Variants in ZNF582 observed in about 807,000 individuals in gnomAD.
The protein encoded by ZNF582 is zinc finger protein 582.
Under a neutral mutation model 12.3 loss-of-function variants are expected in ZNF582, and 14 were observed. That is an observed-to-expected ratio of 1.14 (90% confidence interval 0.75 to 1.78). The LOEUF is 1.78. Among genes scored for constraint, ZNF582 ranks in the 40% most tolerant of loss-of-function variants. The pLI, the probability that ZNF582 is intolerant of heterozygous loss-of-function variation, is 0.00. For missense variants in ZNF582, 567 were observed against 616.5 expected, an observed-to-expected ratio of 0.92 and a Z score of 0.85; for synonymous variants, 210 against 207.2, an observed-to-expected ratio of 1.01 and a Z score of -0.11.
chr19:56,392,074 C>A (rs993899720), intron 1 of ZNF582, among the ~76,000 whole-genome samples: 2 of 152,196 alleles, frequency 1.3e-5, no homozygotes, highest in African/African-American at 4.8e-5. Flanking sequence ...GCTGCAAATG[C>A]AAGTCTAAGA....
chr19:56,390,366 T>A lies in ZNF582; in HGVS notation c.136+9A>T. 3.7e-6 allele frequency: 6 copies of A among 1,613,986 alleles called. No individual in the cohort carries two copies. The highest frequency in any genetic ancestry group is 5.1e-6 in the Non-Finnish European group (6 of 1,180,010). ...ATAACCTCCAAACTAACAGACGAGA[T>A]CACCTTACCCAGTGAGACCAGGTTG... is the stretch of plus-strand genomic sequence containing the variant. On this transcript the variant is annotated intron_variant, in intron 3 of 4. Coordinates refer to ENST00000586929, the Ensembl canonical transcript of ZNF582.
chr19:56,391,743 C>T lies in ZNF582; in HGVS notation c.9+1G>A. On this transcript the variant is annotated splice_donor_variant, in intron 2 of 4. Transcript: ENST00000586929. LOFTEE classifies it high-confidence loss of function. Reference sequence around the variant, plus strand: ...AATATTTATGGGATTTAAAAACTCACAAGGGACATGACTTTTAGAATTTCA... The same window carrying T: ...AATATTTATGGGATTTAAAAACTCATAAGGGACATGACTTTTAGAATTTCA... The T allele has an allele frequency of 6.2e-7, 1 of 1,613,330 alleles. No individual in the cohort carries two copies. Among genetic ancestry groups the T allele is most frequent in the East Asian group, 2.2e-5 (1 of 44,878 alleles).
At chr19:56,384,137 T>G (rs146036656) in exon 5 of ZNF582, 1 of 1,612,900 alleles carries the variant, frequency 6.2e-7, no homozygotes, top group African/African-American at 1.3e-5. Context: ...CTTCCCACAT[T>G]CCTTACATTC....
At chr19:56,393,458 T>C (rs372001953) in exon 1 of ZNF582, 65 of 523,058 alleles carry the variant, frequency 1.2e-4, no homozygotes, top group African/African-American at 1.1e-3. Flanking sequence ...CCTCCTCGGG[T>C]CCAAGTGCCA....
intron 4 of ZNF582, chr19:56,386,565 C>G (rs1434896894): frequency 6.6e-6 from 1 of 152,300 alleles, no homozygotes; most frequent in African/African-American, 2.4e-5. Flanking sequence ...CATGAAAAAG[C>G]TGAATGCTAT....
At chr19:56,390,605 C>A in intron 2 of ZNF582, 104 bp from the exon 3 acceptor site, 1 of 1,272,806 alleles carries the variant, frequency 7.9e-7, no homozygotes. Flanking sequence ...TTTTGTTGAA[C>A]AAGAAGGGTG....
intron 1 of ZNF582, among the ~76,000 whole-genome samples, chr19:56,392,502 G>C (rs1159917596): frequency 6.6e-6 from 1 of 152,220 alleles, no homozygotes; most frequent in Non-Finnish European, 1.5e-5. Flanking sequence ...AATAATATTT[G>C]CTAAATAGGA....
chr19:56,385,196 A>G lies in ZNF582; in HGVS notation c.233-12T>C, dbSNP rs763620910. On this transcript the variant is annotated splice_polypyrimidine_tract_variant and intron_variant, in intron 4 of 4. Coordinates refer to ENST00000586929, the Ensembl canonical transcript of ZNF582. ...TCTGGACTCCAATACTAAGAATGAAAAAAAGCGAATATGTTTGGCTTCTTT... is the reference window on the plus strand; with the variant it reads ...TCTGGACTCCAATACTAAGAATGAAGAAAAGCGAATATGTTTGGCTTCTTT... The G allele has an allele frequency of 6.4e-7, 1 of 1,557,432 alleles. No individual in the cohort carries two copies. Among genetic ancestry groups the G allele is most frequent in the African/African-American group, 1.4e-5 (1 of 72,580 alleles).
intron 3 of ZNF582, 97 bp from the exon 4 acceptor site, chr19:56,390,193 A>C (rs765692578): frequency 9.5e-5 from 131 of 1,381,616 alleles, no homozygotes; most frequent in Non-Finnish European, 1.2e-4. Flanking sequence ...CAGTTGCAGG[A>C]AGTGCCAGAG....
At chr19:56,383,937 A>G (rs905630036) in exon 5 of ZNF582, 1 of 1,611,440 alleles carries the variant, frequency 6.2e-7, no homozygotes, top group African/African-American at 1.3e-5. Context: ...ATGATTAGTA[A>G]GGGGTAACTG....
At chr19:56,390,281 C>T in intron 3 of ZNF582, 94 bp downstream of exon 3, 1 of 1,581,104 alleles carries the variant, frequency 6.3e-7, no homozygotes, top group Non-Finnish European at 8.6e-7. Flanking sequence ...TCAAAAATGA[C>T]CAACCAATCA....
Position 56,384,601 on chromosome 19 carries a change from T to C in ZNF582, c.816A>G (p.Glu272=), listed in dbSNP as rs1555818533. 3 of 1,614,122 alleles carry C rather than the reference T, an allele frequency of 1.9e-6. No individual in the cohort carries two copies. The South Asian group carries it at 3.3e-5, about 18-fold the overall frequency. The change falls in exon 5 of 5, where the codon GAA becomes GAG. Residue 272 remains glutamate (E), a synonymous_variant. Coordinates refer to ENST00000586929, the Ensembl canonical transcript of ZNF582. Reference sequence around the variant, plus strand: ...TCTCGCCTGTGTGAGTTCGCTGATGTTCAATCAACTGTGAGCTTCGACTAA... The same window carrying C: ...TCTCGCCTGTGTGAGTTCGCTGATGCTCAATCAACTGTGAGCTTCGACTAA...
chr19:56,391,786 C>A lies in ZNF582; in HGVS notation c.-34G>T. The A allele has an allele frequency of 1.9e-6, 3 of 1,614,188 alleles. No individual in the cohort carries two copies. On this transcript the variant is annotated 5_prime_UTR_variant, in exon 2 of 5. The change creates a new upstream start codon in the 5' untranslated region. Transcript: ENST00000586929. ...GAATTTCAAGGGCTGATAGGTCCTCCTTCTGGTTCCTCTCTTGGGGAAGGG... is the reference window on the plus strand; with the variant it reads ...GAATTTCAAGGGCTGATAGGTCCTCATTCTGGTTCCTCTCTTGGGGAAGGG...
rs776230028 is a variant in ZNF582 at position 56,384,352 on chromosome 19, T to C, written c.1065A>G (p.Ile355Met). 11 of 1,610,678 alleles carry C rather than the reference T, an allele frequency of 6.8e-6. No homozygotes were observed. The African/African-American group carries it at 8.1e-5, about 12-fold the overall frequency. The change falls in exon 5 of 5, where the codon ATA (isoleucine) becomes ATG (methionine). Residue 355 changes from isoleucine to methionine, a missense_variant. Ile to Met is a conservative substitution (Grantham distance 10, BLOSUM62 1). Transcript: ENST00000586929. ...CACCGGTATGAATTCTCTGATGTCG[T>C]ATAAGAGTTGAGCCTTGATTAAAAG... is the stretch of plus-strand genomic sequence containing the variant.
chr19:56,383,723 T>A, exon 5 of ZNF582: 1 of 1,020,954 alleles, frequency 9.8e-7, no homozygotes, highest in Non-Finnish European at 1.3e-6. Context: ...ATCTGAACAA[T>A]TTACATCCAT....
chr19:56,383,476 C>G (rs1320092631), exon 5 of ZNF582: 1 of 158,640 alleles, frequency 6.3e-6, no homozygotes, highest in Non-Finnish European at 1.4e-5. Flanking sequence ...ATCTCTTTGG[C>G]CACATTTCAC....
At chr19:56,391,978 G>A (rs958691739) in intron 1 of ZNF582, 146 bp from the exon 2 acceptor site, 12 of 648,650 alleles carry the variant, frequency 1.8e-5, no homozygotes, top group Non-Finnish European at 3.1e-5. Context: ...CCAACCCCAG[G>A]AAACCAGCTT....
chr19:56,384,522 T>G, exon 5 of ZNF582: 3 of 1,613,734 alleles, frequency 1.9e-6, no homozygotes, highest in African/African-American at 1.3e-5. Context: ...TAATGTACTT[T>G]AAGATGTGAG....
chr19:56,392,733 G>A (rs887993327), intron 1 of ZNF582, among the ~76,000 whole-genome samples: 1 of 152,024 alleles, frequency 6.6e-6, no homozygotes, highest in Non-Finnish European at 1.5e-5. Flanking sequence ...AAAAAAATTG[G>A]AAGAAAAAAC....
Sources: gnomAD v4.1 joint callset for allele counts (sites outside exome capture counted in the v4.1 genomes callset) on GRCh38, gnomAD v4.1.1 for gene constraint, MANE v1.5 for transcripts, NCBI Gene and HGNC (gene_info 2026-07-23, HGNC 2026-07-21) for gene names.